Variants in RADIL observed in about 807,000 individuals in gnomAD.
RADIL encodes Rap associating with DIL domain.
A neutral mutation model predicts 97.6 loss-of-function variants in RADIL; 99 were observed. That is an observed-to-expected ratio of 1.01 (90% CI 0.86 to 1.20). The LOEUF (loss-of-function observed/expected upper bound fraction) is 1.20. RADIL is among the 50% of genes most tolerant of loss of function. The probability of loss-of-function intolerance (pLI) is 0.00; values close to 1 mark genes in which losing one functional copy is unlikely to be tolerated. For missense variants in RADIL, 1,765 were observed against 1,498.9 expected, an observed-to-expected ratio of 1.18 and a Z score of -2.93; for synonymous variants, 803 against 691.8, an observed-to-expected ratio of 1.16 and a Z score of -2.52.
intron 2 of RADIL, among the ~76,000 whole-genome samples, chr7:4,844,317 C>T (rs555405098): frequency 4.6e-5 from 7 of 151,122 alleles, no homozygotes; most frequent in Middle Eastern, 3.4e-3. Context: ...TGGTGGCACG[C>T]GCCTGTAGTC....
rs749958718 is a variant in RADIL at position 4,799,740 on chromosome 7, G to A, written c.3012C>T (p.Tyr1004=). The change falls in exon 14 of 15, where the codon TAC becomes TAT. Residue 1004 remains tyrosine (Y), a synonymous_variant. Coordinates refer to ENST00000399583, the MANE Select transcript of RADIL (RefSeq NM_018059.5). ...GGCTGCCCGGGAGCAGGGTCTGGAT[G>A]TAGAGCCCGGGGGCGCCCAGGTGCG... The part of the protein sequence containing the change: ...MHTHLGAPGL[Y]IQTLLPGSPA... 2.6e-6 allele frequency: 4 copies of A among 1,554,710 alleles called. No homozygotes were observed. The South Asian group carries it at 3.5e-5, about 14-fold the overall frequency.
At chr7:4,839,987 G>GATCCGCCCACCTCGGCCTCCCA (rs1783401124) in intron 2 of RADIL, among the ~76,000 whole-genome samples, 1 of 152,158 alleles carries the variant, frequency 6.6e-6, no homozygotes, top group Admixed American at 6.6e-5. Context: ...GACCTCAAGT[G>GATCCGCCCACCTCGGCCTCCCA]ATCCGCCCAC....
rs1371184373 is a variant in RADIL, at chr7:4,857,704, C to T, written c.535+19901G>A. On this transcript the variant is annotated intron_variant, in intron 2 of 14. Coordinates refer to ENST00000399583, the MANE Select transcript of RADIL (RefSeq NM_018059.5). ...CTGAATTCATATCTTAGATTTAAAT[C>T]GTACTATTGTCCAGTATTTTAGTTT... The T allele has an allele frequency of 4.6e-5, 7 of 152,718 alleles. No individual in the cohort carries two copies. In the East Asian group the frequency reaches 7.7e-4, roughly 17 times the overall value. The allele number at this position is 152,718 out of a possible 1,614,324, so 9.5% of individuals were successfully genotyped here. A position where few individuals can be genotyped will look rare whatever the true frequency, so the allele number is the denominator to read the frequency against.
chr7:4,810,881 A>G (rs1782525043), intron 9 of RADIL, among the ~76,000 whole-genome samples: 1 of 152,210 alleles, frequency 6.6e-6, no homozygotes, highest in African/African-American at 2.4e-5. Flanking sequence ...CACACCTGTA[A>G]TCCCAGCACT....
At chr7:4,874,031 G>A (rs1187397067) in intron 2 of RADIL, among the ~76,000 whole-genome samples, 1 of 152,264 alleles carries the variant, frequency 6.6e-6, no homozygotes, top group Non-Finnish European at 1.5e-5. Context: ...TCAGGGGGAC[G>A]TGGGACACAG....
chr7:4,807,960 T>C (rs1336978177), intron 9 of RADIL, among the ~76,000 whole-genome samples: 3 of 54,488 alleles, frequency 5.5e-5, no homozygotes, highest in African/African-American at 1.4e-4. Flanking sequence ...CCTCCCTGTC[T>C]CTCTCCTCTC....
At chr7:4,836,124 T>C (rs926350395) in intron 3 of RADIL, among the ~76,000 whole-genome samples, 3 of 152,154 alleles carry the variant, frequency 2.0e-5, no homozygotes, top group Admixed American at 2.0e-4. Flanking sequence ...CACTCTGGGA[T>C]TGGGGAAGTG....
At position 4,873,496 on chromosome 7, in the gene RADIL, C is replaced by A. The variant is rs562056192; in HGVS notation, c.535+4109G>T. On this transcript the variant is annotated intron_variant, in intron 2 of 14. Coordinates refer to ENST00000399583, the MANE Select transcript of RADIL (RefSeq NM_018059.5). The surrounding 1 kb of genome is among the most constrained non-coding windows in gnomAD (Gnocchi z 4.3). ...TCACCAGGGATCAGGGACAGCCCCA[C>A]GCTGGGTCCTCTTGGGAGAGAATGC... 1.1e-4 allele frequency among the ~76,000 whole-genome samples: 17 copies of A among 152,332 alleles called. No individual in the cohort carries two copies. Among genetic ancestry groups the A allele is most frequent in the Admixed American group, 4.6e-4 (7 of 15,306 alleles).
intron 1 of RADIL, among the ~76,000 whole-genome samples, chr7:4,881,928 A>T (rs1489750854): frequency 6.6e-6 from 1 of 152,120 alleles, no homozygotes; most frequent in Non-Finnish European, 1.5e-5. Context: ...TGAACTTCAG[A>T]AATGTTGTTC....
chr7:4,825,549 G>A (rs1165740756), intron 5 of RADIL, among the ~76,000 whole-genome samples: 2 of 152,024 alleles, frequency 1.3e-5, no homozygotes, highest in East Asian at 1.9e-4. Context: ...CACCCAGGAA[G>A]AAAGGAAGAA....
chr7:4,844,604 C>CTGTTT (rs1459528234), intron 2 of RADIL, among the ~76,000 whole-genome samples: 1 of 151,940 alleles, frequency 6.6e-6, no homozygotes, highest in African/African-American at 2.4e-5. Flanking sequence ...AAAATTCAGG[C>CTGTTT]TGTTTTGTTT....
intron 5 of RADIL, among the ~76,000 whole-genome samples, chr7:4,825,383 G>A (rs1406024039): frequency 6.6e-6 from 1 of 152,204 alleles, no homozygotes; most frequent in Non-Finnish European, 1.5e-5. Flanking sequence ...AGAGACCAGA[G>A]CATGGGCTGC....
At chr7:4,859,657 G>T in intron 2 of RADIL, 1 of 509,620 alleles carries the variant, frequency 2.0e-6, no homozygotes, top group Non-Finnish European at 3.5e-6. Flanking sequence ...GGACCCTTGA[G>T]GTTGTTTTTA....
chr7:4,852,798 C>T (rs1395385636), intron 2 of RADIL, among the ~76,000 whole-genome samples: 1 of 152,154 alleles, frequency 6.6e-6, no homozygotes, highest in Non-Finnish European at 1.5e-5. Context: ...CTGCCTCGGC[C>T]TCCCAAAGTG....
rs1782653221 is a variant in RADIL, at chr7:4,815,474, G to A, written c.1967-24C>T. 1.3e-6 allele frequency: 2 copies of A among 1,482,132 alleles called. No homozygotes were observed. The highest frequency in any genetic ancestry group is 4.8e-5 in the East Asian group (2 of 41,526). The allele number at this position is 1,482,132 out of a possible 1,614,324, so 91.8% of individuals were successfully genotyped here. ...GCCTGTGGAGGGAAGAAGGGAGGGT[G>A]ATGCCTGGGCTGCCCTCCTGGGGGG... On this transcript the variant is annotated intron_variant, in intron 8 of 14. Transcript: ENST00000399583. This position sits in a 1 kb window ranked among gnomAD's most constrained non-coding sequence, Gnocchi z 8.0.
In RADIL at chr7:4,877,819, G is replaced by A. The variant is rs372501424; in HGVS notation, c.321C>T (p.Ala107=). ...CCACGTCACACAGCACGTACTGGCC[G>A]GCCTGCCTGGGGTCCAGGGCGTACC... ...LERYALDPRQ[A]GQYVLCDVVG... is the part of the protein sequence containing the mutation. The change falls in exon 2 of 15, where the codon GCC becomes GCT. Residue 107 remains alanine, a synonymous_variant. Coordinates refer to ENST00000399583, the MANE Select transcript of RADIL (RefSeq NM_018059.5). 20 of 1,608,754 alleles carry A rather than the reference G, an allele frequency of 1.2e-5. No individual in the cohort carries two copies. The Admixed American group carries it at 1.5e-4, about 12-fold the overall frequency.
intron 2 of RADIL, chr7:4,865,927 G>A (rs920328363): frequency 3.4e-6 from 2 of 593,052 alleles, no homozygotes; most frequent in Non-Finnish European, 6.0e-6. Flanking sequence ...GAAATATACT[G>A]TAGAGGTATG....
At position 4,817,096 on chromosome 7, in the gene RADIL, A is replaced by G; in HGVS notation, c.1728+143T>C. 2 of 685,270 alleles carry G rather than the reference A, an allele frequency of 2.9e-6. No homozygotes were observed. Among genetic ancestry groups the G allele is most frequent in the Non-Finnish European group, 4.9e-6 (2 of 405,778 alleles). The allele number at this position is 685,270 out of a possible 1,614,324, so 42.4% of individuals were successfully genotyped here. A position where few individuals can be genotyped will look rare whatever the true frequency, so the allele number is the denominator to read the frequency against. ...CTGGGCCTGTGCAGAACCTGCAGCC[A>G]CTGCTCCCTGATGAAGTGGAGCTTG... On this transcript the variant is annotated intron_variant, in intron 7 of 14. Coordinates refer to ENST00000399583, the MANE Select transcript of RADIL (RefSeq NM_018059.5). This position sits in a 1 kb window ranked among gnomAD's most constrained non-coding sequence, Gnocchi z 8.3.
rs369863650 is a variant in RADIL, at chr7:4,805,698, G to A, written c.2158C>T (p.Arg720Trp). The part of the protein sequence containing the change: ...QLIQMSWTAL[R>W]AAFPALSPAQ... ...GGGCTCAGTGCGGGGAACGCAGCCC[G>A]CAGGGCTGTCCAGCTCATCTGGGTG... Residue 720 changes from arginine (R) to tryptophan (W), a missense_variant, in exon 10 of 15, where the codon CGG (arginine) becomes TGG (tryptophan). Arg to Trp is a moderately radical substitution (Grantham distance 101, BLOSUM62 -3). Transcript: ENST00000399583. 6.1e-5 allele frequency: 99 copies of A among 1,610,240 alleles called. No individual in the cohort carries two copies. The highest frequency in any genetic ancestry group is 3.2e-4 in the Admixed American group (19 of 59,960).
Sources: gnomAD v4.1 joint callset for allele counts (sites outside exome capture counted in the v4.1 genomes callset) on GRCh38, gnomAD v4.1.1 for gene constraint, Gnocchi (gnomAD v3.1) non-coding constraint, MANE v1.5 for transcripts, NCBI Gene and HGNC (gene_info 2026-07-23, HGNC 2026-07-21) for gene names.